KIF6: variants seen among roughly 807,000 people sequenced by gnomAD.
KIF6 encodes kinesin family member 6.
KIF6 carries 106 observed loss-of-function variants against 112.7 expected under a neutral mutation model. The ratio of observed to expected loss-of-function variants is 0.94; its 90% CI spans 0.80 to 1.11. The LOEUF is 1.11. Ranked by LOEUF, KIF6 falls within the 50% of genes least tolerant of loss-of-function variation. The probability of loss-of-function intolerance (pLI) is 0.00; values close to 1 mark genes in which losing one functional copy is unlikely to be tolerated. For synonymous variants in KIF6, 339 were observed against 339.9 expected, an observed-to-expected ratio of 1.00 and a Z score of 0.03; for missense variants, 929 against 964.0, an observed-to-expected ratio of 0.96 and a Z score of 0.48.
intron 3 of KIF6, among the ~76,000 whole-genome samples, chr6:39,712,490 A>G (rs1474363200): frequency 6.6e-6 from 1 of 152,142 alleles, no homozygotes; most frequent in Admixed American, 6.6e-5. Flanking sequence ...ACATCAGTGA[A>G]TAAAACGAAG....
At chr6:39,341,921 A>G (rs1763343586) in intron 22 of KIF6, among the ~76,000 whole-genome samples, 1 of 152,224 alleles carries the variant, frequency 6.6e-6, no homozygotes, top group Non-Finnish European at 1.5e-5. Flanking sequence ...TCTACACTAC[A>G]TGTGACAGAC....
At position 39,617,246 on chromosome 6, in the gene KIF6, CTG is replaced by C. The variant is rs895012274; in HGVS notation, c.510-3930_510-3929del. On this transcript the variant is annotated intron_variant, in intron 5 of 22. Transcript: ENST00000287152. Reference sequence around the variant, plus strand: ...GGAAGAAGCAAGCTTTGTGTTTTCTCTGTAAACAGAGAATCTTTTCCATTTGG... The same window carrying C: ...GGAAGAAGCAAGCTTTGTGTTTTCTCTAAACAGAGAATCTTTTCCATTTGG... Among the ~76,000 whole-genome samples, 822 of 151,438 alleles carry C rather than the reference CTG, an allele frequency of 5.4e-3. 11 individuals carry two copies. Among genetic ancestry groups the C allele is most frequent in the African/African-American group, 0.019 (768 of 41,498 alleles).
chr6:39,467,488 CA>C (rs1332047028), intron 13 of KIF6, among the ~76,000 whole-genome samples: 2 of 151,392 alleles, frequency 1.3e-5, no homozygotes, highest in African/African-American at 4.9e-5. Context: ...GCAGAGATAT[CA>C]GGGAAAAAAA....
At chr6:39,584,351 G>T (rs189375103) in intron 9 of KIF6, among the ~76,000 whole-genome samples, 2 of 142,468 alleles carry the variant, frequency 1.4e-5, no homozygotes, top group Admixed American at 1.5e-4. Flanking sequence ...TTGAGAGGCG[G>T]AGGTTGCAGT....
intron 3 of KIF6, among the ~76,000 whole-genome samples, chr6:39,668,465 T>C (rs533185083): frequency 6.6e-6 from 1 of 152,228 alleles, no homozygotes; most frequent in Non-Finnish European, 1.5e-5. Context: ...AAAGAGCCCT[T>C]AGAAGTGTCT....
chr6:39,345,510 C>A (rs1418274673), intron 21 of KIF6, among the ~76,000 whole-genome samples, 190 bp downstream of exon 21: 1 of 152,144 alleles, frequency 6.6e-6, no homozygotes, highest in Non-Finnish European at 1.5e-5. Flanking sequence ...TGGGAGAAAA[C>A]CTCCCCGCTT....
intron 3 of KIF6, among the ~76,000 whole-genome samples, chr6:39,688,784 C>T (rs190245446): frequency 2.1e-4 from 32 of 152,248 alleles, no homozygotes; most frequent in Admixed American, 1.6e-3. Flanking sequence ...TACAATCTGG[C>T]TTTTTATTTA....
intron 16 of KIF6, among the ~76,000 whole-genome samples, chr6:39,366,029 T>C (rs1373044855): frequency 6.6e-6 from 1 of 152,238 alleles, no homozygotes; most frequent in East Asian, 1.9e-4. Flanking sequence ...TGACTGGTTG[T>C]CTTTTCCTTG....
chr6:39,566,347 A>T (rs548750757), intron 10 of KIF6, among the ~76,000 whole-genome samples: 29 of 152,348 alleles, frequency 1.9e-4, no homozygotes, highest in African/African-American at 7.0e-4. Context: ...TTTATGCATC[A>T]GCTCTTTTTA....
chr6:39,471,274 G>A (rs1382170921), intron 13 of KIF6, among the ~76,000 whole-genome samples: 4 of 152,090 alleles, frequency 2.6e-5, no homozygotes, highest in African/African-American at 7.2e-5. Flanking sequence ...CATTTGCTGC[G>A]TGTCTTGTGC....
intron 6 of KIF6, among the ~76,000 whole-genome samples, chr6:39,612,929 T>C (rs568571101): frequency 6.6e-6 from 1 of 152,266 alleles, no homozygotes; most frequent in Admixed American, 6.5e-5. Context: ...GTAGATACAC[T>C]AAAGTAGAAA....
intron 13 of KIF6, among the ~76,000 whole-genome samples, chr6:39,476,594 C>T (rs1429278012): frequency 6.6e-6 from 1 of 152,122 alleles, no homozygotes; most frequent in Non-Finnish European, 1.5e-5. Context: ...GTGTGAGGGT[C>T]TTATTTTATC....
chr6:39,521,491 C>T (rs1777398929), intron 13 of KIF6, among the ~76,000 whole-genome samples: 1 of 152,180 alleles, frequency 6.6e-6, no homozygotes, highest in Non-Finnish European at 1.5e-5. Flanking sequence ...GCCTCCAAGT[C>T]AGTGCCCCCA....
chr6:39,470,681 A>C (rs1329488126), intron 13 of KIF6, among the ~76,000 whole-genome samples: 2 of 151,408 alleles, frequency 1.3e-5, no homozygotes, highest in South Asian at 2.1e-4. Flanking sequence ...CTAAATGTGT[A>C]ACCATCTACT....
At chr6:39,511,839 C>A (rs1037969276) in intron 13 of KIF6, among the ~76,000 whole-genome samples, 6 of 152,160 alleles carry the variant, frequency 3.9e-5, no homozygotes, top group African/African-American at 1.4e-4. Context: ...AAATATCACA[C>A]AAGGACAGAA....
intron 3 of KIF6, among the ~76,000 whole-genome samples, chr6:39,714,453 A>G (rs1789717183): frequency 6.6e-6 from 1 of 152,216 alleles, no homozygotes; most frequent in African/African-American, 2.4e-5. Flanking sequence ...CTTTACAAAT[A>G]GGAGTAACAA....
chr6:39,491,625 G>A (rs887948761), intron 13 of KIF6, among the ~76,000 whole-genome samples: 5 of 152,192 alleles, frequency 3.3e-5, no homozygotes, highest in African/African-American at 1.2e-4. Flanking sequence ...GGACCAGGCA[G>A]CAGTAAGAAG....
chr6:39,631,977 T>G (rs1784373475), intron 5 of KIF6, among the ~76,000 whole-genome samples: 1 of 152,168 alleles, frequency 6.6e-6, no homozygotes, highest in African/African-American at 2.4e-5. Context: ...TATTTCATCT[T>G]GGTTAAGTTT....
intron 14 of KIF6, among the ~76,000 whole-genome samples, chr6:39,422,021 C>T (rs754638089): frequency 2.3e-4 from 35 of 152,194 alleles, no homozygotes; most frequent in Non-Finnish European, 4.3e-4. Flanking sequence ...TTCATAGGAT[C>T]TGACAGTCAC....
Sources: gnomAD v4.1 joint callset for allele counts (sites outside exome capture counted in the v4.1 genomes callset) on GRCh38, gnomAD v4.1.1 for gene constraint, MANE v1.5 for transcripts, NCBI Gene and HGNC (gene_info 2026-07-23, HGNC 2026-07-21) for gene names.